HIF3A: variants seen among roughly 807,000 people sequenced by gnomAD.
HIF3A encodes hypoxia inducible factor 3 subunit alpha.
HIF3A carries 41 observed loss-of-function variants against 67.2 expected under a neutral mutation model. That is an observed-to-expected ratio of 0.61 (90% confidence interval 0.48 to 0.79). The LOEUF (loss-of-function observed/expected upper bound fraction) is 0.79, where lower values mean the gene tolerates loss of function less well. HIF3A is among the 30% of genes least tolerant of loss of function. The pLI, the probability that HIF3A is intolerant of heterozygous loss-of-function variation, is 0.00. For synonymous variants in HIF3A, 356 were observed against 374.8 expected (o/e 0.95, Z 0.58); for missense variants, 855 against 898.0 (o/e 0.95, Z 0.61).
intron 6 of HIF3A, among the ~76,000 whole-genome samples, chr19:46,311,722 G>A (rs977923951): frequency 3.3e-5 from 5 of 152,090 alleles, no homozygotes; most frequent in Non-Finnish European, 7.4e-5. Context: ...AAAGTAGCCA[G>A]GCAGGGCACA....
chr19:46,315,073 T>TTTTTG (rs56343564), intron 8 of HIF3A, among the ~76,000 whole-genome samples: 1 of 142,046 alleles, frequency 7.0e-6, no homozygotes, highest in Non-Finnish European at 1.5e-5. Flanking sequence ...TTTCTTGGTT[T>TTTTTG]TTTTGTTTTG....
intron 8 of HIF3A, 86 bp downstream of exon 8, chr19:46,312,739 G>GT: frequency 6.7e-7 from 1 of 1,499,106 alleles, no homozygotes; most frequent in Non-Finnish European, 8.9e-7. Flanking sequence ...GTGTGTGTGC[G>GT]TATGAGCATG....
chr19:46,316,858 A>G (rs763015584), intron 8 of HIF3A, among the ~76,000 whole-genome samples: 4 of 152,000 alleles, frequency 2.6e-5, no homozygotes, highest in Non-Finnish European at 5.9e-5. Flanking sequence ...AGGTTATCTT[A>G]TAGGACATGC....
At chr19:46,304,337 G>T in intron 2 of HIF3A, 1 of 567,438 alleles carries the variant, frequency 1.8e-6, no homozygotes, top group Non-Finnish European at 3.2e-6. Context: ...CCCCGCCCCT[G>T]GAACGCGCCC....
intron 12 of HIF3A, 74 bp downstream of exon 12, chr19:46,329,552 C>T (rs1971037192): frequency 1.1e-5 from 15 of 1,418,422 alleles, no homozygotes; most frequent in Non-Finnish European, 1.0e-5. Flanking sequence ...CTGCTTCAGC[C>T]TCATCCCTCA....
chr19:46,313,249 TCAAACAAACAAA>T (rs111621893), intron 8 of HIF3A: 10 of 874,320 alleles, frequency 1.1e-5, no homozygotes, highest in East Asian at 2.4e-4. Flanking sequence ...AGACTCTGTC[TCAAACAAACAAA>T]CAAACAAACA....
intron 8 of HIF3A, 155 bp from the exon 9 acceptor site, chr19:46,320,288 A>G (rs1229067098): frequency 4.6e-6 from 3 of 645,410 alleles, no homozygotes; most frequent in African/African-American, 1.8e-5. Context: ...CCCTTATAGG[A>G]GACAAATAAA....
At chr19:46,331,671 C>T (rs1971238907) in intron 13 of HIF3A, among the ~76,000 whole-genome samples, 1 of 151,654 alleles carries the variant, frequency 6.6e-6, no homozygotes, top group Non-Finnish European at 1.5e-5. Context: ...GCCTGGCCAA[C>T]ATGGAGATAC....
chr19:46,338,314 A>G (rs1404184425), intron 14 of HIF3A: 2 of 447,742 alleles, frequency 4.5e-6, no homozygotes, highest in South Asian at 3.2e-5. Context: ...TGATCCTCCT[A>G]CTTCAGCTCC....
At chr19:46,308,978 A>G (rs1179440706) in intron 5 of HIF3A, among the ~76,000 whole-genome samples, 173 bp from the exon 6 acceptor site, 2 of 151,904 alleles carry the variant, frequency 1.3e-5, no homozygotes, top group Non-Finnish European at 1.5e-5. Context: ...AAGCTCTCTT[A>G]GGATGGGTTC....
intron 3 of HIF3A, among the ~76,000 whole-genome samples, chr19:46,306,312 C>T (rs527928881): frequency 7.2e-5 from 11 of 152,000 alleles, no homozygotes; most frequent in Admixed American, 6.6e-4. Context: ...CCTCTAGGTA[C>T]GGCATGGAGG....
chr19:46,316,672 G>A (rs999401035), intron 8 of HIF3A, among the ~76,000 whole-genome samples: 1 of 151,966 alleles, frequency 6.6e-6, no homozygotes, highest in East Asian at 1.9e-4. Context: ...ATGTGGTGGC[G>A]TGTGCCTATA....
At chr19:46,303,594 A>G in intron 1 of HIF3A, 1 of 1,549,306 alleles carries the variant, frequency 6.5e-7, no homozygotes, top group Non-Finnish European at 8.7e-7. Flanking sequence ...TGGGAAATAA[A>G]CTGCAGATAA....
In HIF3A at chr19:46,309,151, G is replaced by C; in HGVS notation, c.562G>C (p.Val188Leu). The C allele has an allele frequency of 6.2e-7, 1 of 1,613,138 alleles. No individual in the cohort carries two copies. The highest frequency in any genetic ancestry group is 8.5e-7 in the Non-Finnish European group (1 of 1,179,394). Reference sequence around the variant, plus strand: ...CTTGTCCCCTCATCTCGGCCCCCAGGTGCTGAACTGCTCTGGACATATGAG... The same window carrying C: ...CTTGTCCCCTCATCTCGGCCCCCAGCTGCTGAACTGCTCTGGACATATGAG... ...TLNLKAATWK[V>L]LNCSGHMRAY... is the part of the protein sequence containing the mutation. The change falls in exon 6 of 15, where the codon GTG becomes CTG. Residue 188 changes from valine (V) to leucine (L), a missense_variant and splice_region_variant. By Grantham distance (32) the Val-to-Leu change is conservative. Around this residue, in one of 3 missense-constraint regions of HIF3A, gnomAD observed 638 missense variants for 660.5 expected, o/e 0.97. Coordinates refer to ENST00000377670, the MANE Select transcript of HIF3A (RefSeq NM_152795.4).
chr19:46,298,895 C>A lies in HIF3A; in HGVS notation c.26+1793C>A, dbSNP rs534286759. ...CTGTGCTTTTCGTAAGACGCCCCCC[C>A]CCAATACCCAGCTGGGTGTCAGAAT... is the stretch of plus-strand genomic sequence containing the variant. On this transcript the variant is annotated intron_variant, in intron 1 of 14. Coordinates refer to ENST00000377670, the MANE Select transcript of HIF3A (RefSeq NM_152795.4). Among the ~76,000 whole-genome samples the A allele has an allele frequency of 1.0e-3, 153 of 152,328 alleles. 1 individual carries two copies. Among genetic ancestry groups the A allele is most frequent in the South Asian group, 3.5e-3 (17 of 4,826 alleles).
chr19:46,302,027 ATAC>A (rs1968381565), intron 1 of HIF3A, among the ~76,000 whole-genome samples: 2 of 152,230 alleles, frequency 1.3e-5, no homozygotes, highest in Middle Eastern at 3.4e-3. Context: ...TATATACCAT[ATAC>A]TACACTAGAT....
intron 13 of HIF3A, among the ~76,000 whole-genome samples, chr19:46,333,739 CCTTT>C (rs1170608114): frequency 6.6e-6 from 1 of 150,770 alleles, no homozygotes; most frequent in East Asian, 1.9e-4. Flanking sequence ...TTTTTTCCTT[CCTTT>C]CTTTTTCTTT....
Position 46,304,000 on chromosome 19 carries a change from C to T in HIF3A, c.129C>T (p.Phe43=), listed in dbSNP as rs1201934733. The T allele has an allele frequency of 1.3e-6, 2 of 1,596,464 alleles. No homozygotes were observed. Among genetic ancestry groups the T allele is most frequent in the East Asian group, 2.3e-5 (1 of 44,096 alleles). ...VLYQLAHTLP[F]ARGVSAHLDK... The stretch of plus-strand genomic sequence containing the variant: ...ACCAGCTGGCTCACACGCTGCCCTT[C>T]GCCCGCGGCGTCAGCGCCCACCTGG... The change falls in exon 2 of 15, where the codon TTC becomes TTT. Residue 43 remains phenylalanine (F), a synonymous_variant. Coordinates refer to ENST00000377670, the MANE Select transcript of HIF3A (RefSeq NM_152795.4).
chr19:46,297,186 G>T lies in HIF3A; in HGVS notation c.26+84G>T. On this transcript the variant is annotated intron_variant, in intron 1 of 14. Transcript: ENST00000377670. This position sits in a 1 kb window ranked among gnomAD's most constrained non-coding sequence, Gnocchi z 4.5. The stretch of plus-strand genomic sequence containing the variant: ...CTGAGCTGGATTGTTGGGGGGGGTG[G>T]GGTTCGCGGGTGCGAGCCAAGAACG... The T allele has an allele frequency of 2.7e-6, 2 of 734,874 alleles. No individual in the cohort carries two copies. The allele number at this position is 734,874 out of a possible 1,614,324, so 45.5% of individuals were successfully genotyped here. A position where few individuals can be genotyped will look rare whatever the true frequency, so the allele number is the denominator to read the frequency against.
Sources: gnomAD v4.1 joint callset for allele counts (sites outside exome capture counted in the v4.1 genomes callset) on GRCh38, gnomAD v4.1.1 for gene constraint, gnomAD v4.1.1 regional missense constraint, Gnocchi (gnomAD v3.1) non-coding constraint, MANE v1.5 for transcripts, NCBI Gene and HGNC (gene_info 2026-07-23, HGNC 2026-07-21) for gene names.